PAQR5: variants seen among roughly 807,000 people sequenced by gnomAD.
The protein encoded by PAQR5 is progestin and adipoQ receptor family member 5, also known as membrane progestin receptor gamma.
In PAQR5, 20 loss-of-function variants were observed where a neutral mutation model predicts 34.5. The ratio of observed to expected loss-of-function variants is 0.58; its 90% CI spans 0.41 to 0.84. The LOEUF (loss-of-function observed/expected upper bound fraction) is 0.84. Ranked by LOEUF, PAQR5 falls within the 40% of genes least tolerant of loss-of-function variation. PAQR5 has a pLI of 0.00. For synonymous variants in PAQR5, 131 were observed against 155.6 expected (o/e 0.84, Z 1.18); for missense variants, 378 against 412.7 (o/e 0.92, Z 0.73).
chr15:69,305,970 C>A (rs2134570), intron 1 of PAQR5, among the ~76,000 whole-genome samples: 137,240 of 152,234 alleles, frequency 0.9, 63,578 homozygotes, highest in East Asian at 1. Context: ...CTAACCCAGA[C>A]CTATTGCTCT....
chr15:69,388,531 C>A (rs2056172118), intron 5 of PAQR5, among the ~76,000 whole-genome samples: 1 of 152,236 alleles, frequency 6.6e-6, no homozygotes. Context: ...CCACAGTTTG[C>A]CCCAGTTGGC....
At chr15:69,399,116 A>T (rs1308223829) in intron 7 of PAQR5, among the ~76,000 whole-genome samples, 1 of 152,220 alleles carries the variant, frequency 6.6e-6, no homozygotes, top group African/African-American at 2.4e-5. Context: ...GCTCTGAAAC[A>T]GTATAGTGGC....
intron 3 of PAQR5, among the ~76,000 whole-genome samples, chr15:69,363,195 C>T (rs1193712317): frequency 1.3e-5 from 2 of 152,246 alleles, no homozygotes; most frequent in East Asian, 3.8e-4. Flanking sequence ...CTCTCTGCAT[C>T]ATCAGAGTTG....
chr15:69,318,084 C>T (rs1006994202), intron 1 of PAQR5, among the ~76,000 whole-genome samples: 4 of 152,226 alleles, frequency 2.6e-5, no homozygotes, highest in South Asian at 2.1e-4. Context: ...GGCAATGTTT[C>T]GTTGCGAGGA....
intron 2 of PAQR5, among the ~76,000 whole-genome samples, chr15:69,347,742 A>G (rs1476156637): frequency 2.0e-5 from 3 of 152,136 alleles, no homozygotes; most frequent in South Asian, 2.1e-4. Flanking sequence ...TGGTCCATAG[A>G]CACTGTGTCT....
At chr15:69,331,022 G>T (rs968745358) in intron 1 of PAQR5, among the ~76,000 whole-genome samples, 1 of 152,178 alleles carries the variant, frequency 6.6e-6, no homozygotes. Flanking sequence ...TGTACTGGTG[G>T]GGCACTGCCA....
intron 2 of PAQR5, among the ~76,000 whole-genome samples, chr15:69,340,686 C>A (rs555601142): frequency 6.6e-6 from 1 of 152,302 alleles, no homozygotes; most frequent in Non-Finnish European, 1.5e-5. Context: ...GTCCTTCCAA[C>A]TCTAGGACCC....
intron 4 of PAQR5, among the ~76,000 whole-genome samples, chr15:69,383,209 G>C (rs1448119565): frequency 2.0e-5 from 3 of 152,214 alleles, no homozygotes; most frequent in African/African-American, 7.2e-5. Context: ...GAGGATCTAA[G>C]AGGGGCTTCC....
At chr15:69,380,832 G>A (rs769593911) in intron 4 of PAQR5, among the ~76,000 whole-genome samples, 12 of 152,216 alleles carry the variant, frequency 7.9e-5, no homozygotes, top group East Asian at 7.7e-4. Context: ...GCGTCCTTAC[G>A]TCATGCAGGG....
chr15:69,311,161 G>A (rs535555241), intron 1 of PAQR5, among the ~76,000 whole-genome samples: 1 of 151,960 alleles, frequency 6.6e-6, no homozygotes, highest in Admixed American at 6.6e-5. Flanking sequence ...GAATGGACCA[G>A]GGCTTGTCCT....
chr15:69,320,267 C>G (rs979641878), intron 1 of PAQR5, among the ~76,000 whole-genome samples: 3 of 152,270 alleles, frequency 2.0e-5, no homozygotes, highest in African/African-American at 7.2e-5. Context: ...GGCTCAGCAG[C>G]AGACTGGCTC....
intron 6 of PAQR5, among the ~76,000 whole-genome samples, chr15:69,390,930 G>A (rs753382739): frequency 6.6e-6 from 1 of 151,826 alleles, no homozygotes; most frequent in Non-Finnish European, 1.5e-5. Flanking sequence ...TTGTAGAAGT[G>A]AACTGCCTGA....
Position 69,363,581 on chromosome 15 carries a change from C to T in PAQR5, c.51+3450C>T, listed in dbSNP as rs901798892. On this transcript the variant is annotated intron_variant, in intron 3 of 8. Transcript: ENST00000395407. ...TTTTTTTTTGAGACAGAGTCTTGCT[C>T]TGTCACCCAGGCTGGAGTGCAGTGG... Among the ~76,000 whole-genome samples the T allele has an allele frequency of 9.5e-5, 11 of 115,310 alleles. No homozygotes were observed. The Admixed American group carries it at 1.3e-3, about 13-fold the overall frequency. 75.6% of individuals were successfully genotyped at this position (115,310 alleles called of 152,430 possible). A position where few individuals can be genotyped will look rare whatever the true frequency, so the allele number is the denominator to read the frequency against.
intron 1 of PAQR5, among the ~76,000 whole-genome samples, chr15:69,318,268 G>C (rs2140578077): frequency 6.6e-6 from 1 of 152,326 alleles, no homozygotes; most frequent in South Asian, 2.1e-4. Context: ...GCCTAGGCAG[G>C]CAAGAAATGC....
At chr15:69,335,402 C>T (rs1440998548) in intron 1 of PAQR5, among the ~76,000 whole-genome samples, 2 of 151,268 alleles carry the variant, frequency 1.3e-5, no homozygotes, top group East Asian at 4.0e-4. Flanking sequence ...TGAACCACCA[C>T]ACCTGGCTAA....
At chr15:69,316,742 T>G (rs1263314588) in intron 1 of PAQR5, among the ~76,000 whole-genome samples, 1 of 152,206 alleles carries the variant, frequency 6.6e-6, no homozygotes, top group Non-Finnish European at 1.5e-5. Flanking sequence ...AAGAGGTAGT[T>G]GCTCTGGGGA....
At chr15:69,362,786 C>T (rs2140853698) in intron 3 of PAQR5, among the ~76,000 whole-genome samples, 1 of 152,260 alleles carries the variant, frequency 6.6e-6, no homozygotes, top group East Asian at 1.9e-4. Flanking sequence ...AGCATGCTGG[C>T]AGGAGACTTC....
chr15:69,394,640 C>G (rs1224477401), intron 6 of PAQR5, among the ~76,000 whole-genome samples: 1 of 152,370 alleles, frequency 6.6e-6, no homozygotes, highest in African/African-American at 2.4e-5. Flanking sequence ...CAACCTCGTT[C>G]TGAGCAGAGA....
Position 69,361,143 on chromosome 15 carries a change from C to A in PAQR5, c.51+1012C>A, listed in dbSNP as rs551797411. On this transcript the variant is annotated intron_variant, in intron 3 of 8. Transcript: ENST00000395407. ...ACTGGGCAGAGCACCTGCCTCTGTT[C>A]TCACAGGGCAATCACCTTCTCCTTT... Among the ~76,000 whole-genome samples, 5 of 152,310 alleles carry A rather than the reference C, an allele frequency of 3.3e-5. No homozygotes were observed. In the East Asian group the frequency reaches 9.6e-4, roughly 29 times the overall value.
Sources: allele counts gnomAD v4.1 joint callset (sites outside exome capture counted in the v4.1 genomes callset), GRCh38; gene constraint gnomAD v4.1.1; transcripts MANE v1.5; gene names NCBI Gene and HGNC (gene_info 2026-07-23, HGNC 2026-07-21).